The following SORCS1 variants were observed in gnomAD, a reference collection of about 807,000 sequenced individuals.
The protein encoded by SORCS1 is sortilin related VPS10 domain containing receptor 1.
In SORCS1, 60 loss-of-function variants were observed where a neutral mutation model predicts 146.1. The observed-to-expected ratio is 0.41, with a 90% CI of 0.33 to 0.51. The LOEUF (loss-of-function observed/expected upper bound fraction) is 0.51, where lower values mean the gene tolerates loss of function less well. SORCS1 is among the 20% of genes least tolerant of loss of function. The probability of loss-of-function intolerance (pLI) is 0.21; values close to 1 mark genes in which losing one functional copy is unlikely to be tolerated. For synonymous variants in SORCS1, 637 were observed against 584.0 expected, an observed-to-expected ratio of 1.09 and a Z score of -1.31; for missense variants, 1,352 against 1,487.6, an observed-to-expected ratio of 0.91 and a Z score of 1.50.
At chr10:106,703,192 T>G (rs1195513076) in intron 8 of SORCS1, among the ~76,000 whole-genome samples, 1 of 147,786 alleles carries the variant, frequency 6.8e-6, no homozygotes, top group East Asian at 2.0e-4. Context: ...AAAAAAAAAA[T>G]AAAGAAAAGA....
intron 3 of SORCS1, among the ~76,000 whole-genome samples, chr10:106,819,462 G>A (rs895911101): frequency 6.6e-6 from 1 of 152,094 alleles, no homozygotes; most frequent in Admixed American, 6.6e-5. Context: ...GTGTATCTCC[G>A]CAGTGACAGG....
chr10:106,744,506 T>C (rs976470115), intron 5 of SORCS1, among the ~76,000 whole-genome samples: 2 of 152,198 alleles, frequency 1.3e-5, no homozygotes, highest in Admixed American at 6.5e-5. Flanking sequence ...ACAACTGTTA[T>C]AAGAGGAGAT....
the SORCS1 span, among the ~76,000 whole-genome samples, chr10:107,177,858 G>A: frequency 3.9e-5 from 6 of 152,096 alleles, no homozygotes; most frequent in Admixed American, 3.9e-4. Flanking sequence ...CAGGGACATG[G>A]ATGGAGCTGA....
chr10:107,012,481 G>A (rs1267601760), intron 1 of SORCS1, among the ~76,000 whole-genome samples: 1 of 152,112 alleles, frequency 6.6e-6, no homozygotes, highest in African/African-American at 2.4e-5. Flanking sequence ...CTTTTATTAT[G>A]CTAGCACTTT....
chr10:106,947,928 T>C (rs1954439937), intron 2 of SORCS1, among the ~76,000 whole-genome samples: 1 of 152,186 alleles, frequency 6.6e-6, no homozygotes, highest in Admixed American at 6.5e-5. Context: ...AAAACACTTC[T>C]TGGTATGTAG....
At chr10:107,068,935 C>T (rs1413179258) in intron 1 of SORCS1, among the ~76,000 whole-genome samples, 1 of 151,622 alleles carries the variant, frequency 6.6e-6, no homozygotes, top group Non-Finnish European at 1.5e-5. Context: ...GAGGCATCGC[C>T]CAAGTACAAT....
chr10:106,666,613 G>A (rs1049312478), intron 17 of SORCS1, among the ~76,000 whole-genome samples: 2 of 150,038 alleles, frequency 1.3e-5, no homozygotes, highest in African/African-American at 4.9e-5. Flanking sequence ...CTGGAGTGCA[G>A]TGGTGCAATC....
intron 8 of SORCS1, among the ~76,000 whole-genome samples, chr10:106,704,382 A>G (rs1373055949): frequency 1.3e-5 from 2 of 152,102 alleles, no homozygotes; most frequent in African/African-American, 2.4e-5. Flanking sequence ...TTCCACCAAA[A>G]CTTATGTCAC....
intron 3 of SORCS1, among the ~76,000 whole-genome samples, chr10:106,822,661 C>T (rs924196843): frequency 6.6e-6 from 1 of 152,034 alleles, no homozygotes; most frequent in Admixed American, 6.6e-5. Flanking sequence ...AGGAGAGGAC[C>T]TTTCCCTTTG....
At chr10:106,967,353 T>TA (rs1955545166) in intron 1 of SORCS1, among the ~76,000 whole-genome samples, 1 of 151,996 alleles carries the variant, frequency 6.6e-6, no homozygotes. Context: ...ACTTTTTTTT[T>TA]ACATTAAACC....
At chr10:106,720,684 C>T (rs575743113) in intron 6 of SORCS1, among the ~76,000 whole-genome samples, 63 of 151,632 alleles carry the variant, frequency 4.2e-4, no homozygotes, top group Non-Finnish European at 7.7e-4. Flanking sequence ...CTGAGGGATA[C>T]CAAGGACCCA....
intron 21 of SORCS1, among the ~76,000 whole-genome samples, chr10:106,615,358 C>T (rs1284149254): frequency 1.3e-5 from 2 of 152,208 alleles, no homozygotes; most frequent in Non-Finnish European, 2.9e-5. Flanking sequence ...TCTAATCACA[C>T]TGGAAACCCA....
chr10:106,957,165 G>GTTTTTTTTTT (rs374081494), intron 1 of SORCS1, among the ~76,000 whole-genome samples: 2 of 138,038 alleles, frequency 1.4e-5, no homozygotes, highest in Non-Finnish European at 3.0e-5. Flanking sequence ...GTTTTTTTTT[G>GTTTTTTTTTT]TTTTTTTTGT....
At chr10:106,781,062 A>T (rs545776513) in intron 3 of SORCS1, among the ~76,000 whole-genome samples, 1 of 151,906 alleles carries the variant, frequency 6.6e-6, no homozygotes, top group East Asian at 1.9e-4. Context: ...AGTTTGCTCC[A>T]GATTCAACAT....
intron 5 of SORCS1, among the ~76,000 whole-genome samples, chr10:106,743,948 C>G (rs374558018): frequency 2.0e-5 from 3 of 151,872 alleles, no homozygotes; most frequent in East Asian, 3.9e-4. Context: ...ACTCCTTTTT[C>G]TTTTTAAGAC....
At chr10:106,830,562 GCTTTTTTTTTTTTTC>G (rs1187887696) in intron 2 of SORCS1, among the ~76,000 whole-genome samples, 2 of 146,578 alleles carry the variant, frequency 1.4e-5, no homozygotes, top group African/African-American at 5.0e-5. Context: ...TTATACCTCA[GCTTTTTTTTTTTTTC>G]CTTTTTTTTT....
chr10:107,133,320 C>T (rs576927326), intron 1 of SORCS1, among the ~76,000 whole-genome samples: 1 of 152,034 alleles, frequency 6.6e-6, no homozygotes, highest in Non-Finnish European at 1.5e-5. Context: ...TTCCAGTGAG[C>T]TAATCTTTTG....
chr10:107,120,917 T>C (rs1455679747), intron 1 of SORCS1, among the ~76,000 whole-genome samples: 1 of 152,128 alleles, frequency 6.6e-6, no homozygotes, highest in Non-Finnish European at 1.5e-5. Flanking sequence ...AAAAATGATC[T>C]ATGCTAAGGA....
intron 16 of SORCS1, among the ~76,000 whole-genome samples, chr10:106,670,441 C>T (rs138875754): frequency 6.6e-6 from 1 of 152,328 alleles, no homozygotes; most frequent in Non-Finnish European, 1.5e-5. Context: ...TACAGATTTG[C>T]AATGCCATTG....
Sources: gnomAD v4.1 joint callset for allele counts (sites outside exome capture counted in the v4.1 genomes callset) on GRCh38, gnomAD v4.1.1 for gene constraint, MANE v1.5 for transcripts, NCBI Gene and HGNC (gene_info 2026-07-23, HGNC 2026-07-21) for gene names.